AJAP1: variants seen among roughly 807,000 people sequenced by gnomAD.
AJAP1 encodes adherens junction-associated protein 1.
In AJAP1, 5 loss-of-function variants were observed where a neutral mutation model predicts 35.0. The observed-to-expected ratio is 0.14, with a 90% confidence interval of 0.07 to 0.30. AJAP1 has a LOEUF of 0.30. AJAP1 is among the 10% of genes least tolerant of loss of function. The probability of loss-of-function intolerance (pLI) is 1.00; values close to 1 mark genes in which losing one functional copy is unlikely to be tolerated. For synonymous variants in AJAP1, 284 were observed against 249.3 expected, an observed-to-expected ratio of 1.14 and a Z score of -1.31; for missense variants, 586 against 571.0, an observed-to-expected ratio of 1.03 and a Z score of -0.27.
intron 1 of AJAP1, 129 bp from the exon 2 acceptor site, chr1:4,711,771 T>G: frequency 1.5e-6 from 1 of 689,554 alleles, no homozygotes; most frequent in Non-Finnish European, 2.3e-6. Flanking sequence ...CTTTTGAAGT[T>G]AGGAGGAGCT....
intron 1 of AJAP1, among the ~76,000 whole-genome samples, chr1:4,658,924 C>T (rs116655009): frequency 4.5e-3 from 689 of 152,290 alleles, no homozygotes; most frequent in Non-Finnish European, 7.4e-3. Flanking sequence ...TAGCGGGGGT[C>T]GCTGGAGGTG....
At chr1:4,767,028 C>T (rs1279408718) in intron 2 of AJAP1, among the ~76,000 whole-genome samples, 7 of 152,156 alleles carry the variant, frequency 4.6e-5, no homozygotes, top group Non-Finnish European at 1.0e-4. Flanking sequence ...GCCCATAATG[C>T]ACCCTTCACG....
chr1:4,732,369 G>A (rs953159575), intron 2 of AJAP1, among the ~76,000 whole-genome samples: 1 of 152,262 alleles, frequency 6.6e-6, no homozygotes, highest in Non-Finnish European at 1.5e-5. Flanking sequence ...CCTGGGCAAG[G>A]CCATGCCTAT....
chr1:4,751,312 G>A (rs566722392), intron 2 of AJAP1, among the ~76,000 whole-genome samples: 11 of 152,282 alleles, frequency 7.2e-5, no homozygotes, highest in African/African-American at 1.9e-4. Flanking sequence ...ACAAACGTTC[G>A]AATTCCGCTC....
chr1:4,692,911 G>T lies in AJAP1; in HGVS notation c.30-18989G>T, dbSNP rs1267012793. 1.3e-5 allele frequency among the ~76,000 whole-genome samples: 2 copies of T among 152,260 alleles called. No individual in the cohort carries two copies. Among genetic ancestry groups the T allele is most frequent in the Non-Finnish European group, 2.9e-5 (2 of 68,050 alleles). On this transcript the variant is annotated intron_variant, in intron 1 of 5. Transcript: ENST00000378191. The surrounding 1 kb of genome is among the most constrained non-coding windows in gnomAD (Gnocchi z 4.4). ...TGGAACTGGACAGGGAAGGGACGAGGTGTGCCCCATTCTGGAACCCAGTGC... is the reference window on the plus strand; with the variant it reads ...TGGAACTGGACAGGGAAGGGACGAGTTGTGCCCCATTCTGGAACCCAGTGC...
At chr1:4,761,409 G>A (rs528778566) in intron 2 of AJAP1, among the ~76,000 whole-genome samples, 1 of 152,262 alleles carries the variant, frequency 6.6e-6, no homozygotes, top group South Asian at 2.1e-4. Flanking sequence ...AGAAACCCAT[G>A]GGTGACATTG....
chr1:4,666,838 C>G (rs113348625), intron 1 of AJAP1, among the ~76,000 whole-genome samples: 2 of 117,208 alleles, frequency 1.7e-5, no homozygotes, highest in Non-Finnish European at 3.5e-5. Context: ...GGAGGGGTTG[C>G]AGAGAGGAGC....
intron 2 of AJAP1, among the ~76,000 whole-genome samples, chr1:4,727,150 G>A (rs1003148073): frequency 8.5e-5 from 13 of 152,366 alleles, no homozygotes; most frequent in African/African-American, 2.9e-4. Flanking sequence ...ACTGTGCCAG[G>A]CGGCCGTTCC....
At chr1:4,668,392 G>C (rs538366052) in intron 1 of AJAP1, among the ~76,000 whole-genome samples, 1 of 152,146 alleles carries the variant, frequency 6.6e-6, no homozygotes, top group South Asian at 2.1e-4. Context: ...TGAGGTTGTA[G>C]GTGTGAGGCA....
At position 4,791,299 on chromosome 1, in the gene AJAP1, A is replaced by G. The variant is rs1028657968; in HGVS notation, c.*8814A>G. The G allele has an allele frequency of 1.3e-5, 2 of 152,246 alleles. No homozygotes were observed. The highest frequency in any genetic ancestry group is 4.8e-5 in the African/African-American group (2 of 41,476). 9.4% of individuals were successfully genotyped at this position (152,246 alleles called of 1,614,324 possible). On this transcript the variant is annotated 3_prime_UTR_variant, in exon 6 of 6. Transcript: ENST00000378191. The stretch of plus-strand genomic sequence containing the variant: ...CATTGAATGAAGCTTGAGGCCATGC[A>G]TTGATAACATTTTTAGAGTCTGTTA...
At chr1:4,727,331 T>G (rs1339207388) in intron 2 of AJAP1, among the ~76,000 whole-genome samples, 1 of 152,120 alleles carries the variant, frequency 6.6e-6, no homozygotes, top group African/African-American at 2.4e-5. Context: ...ACCTTCCCTG[T>G]GTTTCAGGGG....
At chr1:4,715,700 TA>T (rs1191024608) in intron 2 of AJAP1, among the ~76,000 whole-genome samples, 1 of 151,904 alleles carries the variant, frequency 6.6e-6, no homozygotes, top group African/African-American at 2.4e-5. Context: ...AAAAAAGAAA[TA>T]TTTTTCCTAA....
chr1:4,731,356 C>G (rs1194644648), intron 2 of AJAP1, among the ~76,000 whole-genome samples: 1 of 152,252 alleles, frequency 6.6e-6, no homozygotes, highest in Non-Finnish European at 1.5e-5. Context: ...GCTAGGATTA[C>G]AGGCGTGAGC....
At chr1:4,657,571 C>T (rs1310789238) in intron 1 of AJAP1, among the ~76,000 whole-genome samples, 3 of 152,190 alleles carry the variant, frequency 2.0e-5, no homozygotes, top group African/African-American at 7.2e-5. Context: ...AGCCACTCCG[C>T]GGCTCCCTAG....
intron 4 of AJAP1, among the ~76,000 whole-genome samples, chr1:4,773,025 A>T (rs1246978417): frequency 6.6e-6 from 1 of 152,156 alleles, no homozygotes; most frequent in East Asian, 1.9e-4. Context: ...TTTATTACTC[A>T]TGTGTAATCC....
intron 2 of AJAP1, among the ~76,000 whole-genome samples, chr1:4,758,193 G>A (rs1439304477): frequency 6.6e-6 from 1 of 152,150 alleles, no homozygotes; most frequent in Non-Finnish European, 1.5e-5. Context: ...CCCAGTCTCA[G>A]TTATGTCTTT....
chr1:4,748,081 G>A (rs1641232264), intron 2 of AJAP1, among the ~76,000 whole-genome samples: 1 of 151,374 alleles, frequency 6.6e-6, no homozygotes, highest in African/African-American at 2.4e-5. Flanking sequence ...AGATTTTGCT[G>A]CCAGATGCAG....
chr1:4,661,260 A>G (rs1638993164), intron 1 of AJAP1, among the ~76,000 whole-genome samples: 1 of 152,190 alleles, frequency 6.6e-6, no homozygotes, highest in South Asian at 2.1e-4. Context: ...TCACATCCAG[A>G]TGGGAGGTGC....
chr1:4,768,218 T>C (rs1000456423), intron 2 of AJAP1, among the ~76,000 whole-genome samples: 5 of 152,248 alleles, frequency 3.3e-5, no homozygotes, highest in African/African-American at 1.2e-4. Context: ...GCAGTACTAG[T>C]GCTGCAGGCG....
Sources: allele counts gnomAD v4.1 joint callset (sites outside exome capture counted in the v4.1 genomes callset), GRCh38; gene constraint gnomAD v4.1.1; non-coding constraint Gnocchi (gnomAD v3.1); transcripts MANE v1.5; gene names NCBI Gene and HGNC (gene_info 2026-07-23, HGNC 2026-07-21).